SOBP: variants seen among roughly 807,000 people sequenced by gnomAD.
SOBP encodes the protein sine oculis-binding protein homolog.
Under a neutral mutation model 53.6 loss-of-function variants are expected in SOBP, and 4 were observed. That is an observed-to-expected ratio of 0.07 (90% confidence interval 0.04 to 0.17). The LOEUF (loss-of-function observed/expected upper bound fraction) is 0.17. Ranked by LOEUF, SOBP falls within the 10% of genes least tolerant of loss-of-function variation. SOBP has a pLI of 1.00. For missense variants in SOBP, 1,088 were observed against 1,204.7 expected (o/e 0.90, Z 1.43); for synonymous variants, 584 against 522.6 (o/e 1.12, Z -1.60).
At chr6:107,506,628 A>G (rs1487725657) in intron 3 of SOBP, among the ~76,000 whole-genome samples, 3 of 152,236 alleles carry the variant, frequency 2.0e-5, no homozygotes, top group East Asian at 1.9e-4. Flanking sequence ...TACTTAGGCT[A>G]TAAACTTTCA....
intron 3 of SOBP, among the ~76,000 whole-genome samples, chr6:107,517,728 G>T (rs555330115): frequency 6.6e-6 from 1 of 152,298 alleles, no homozygotes; most frequent in East Asian, 1.9e-4. Flanking sequence ...TAGATGGATT[G>T]TTGATCTAAA....
At chr6:107,657,706 G>A (rs943466178) in intron 6 of SOBP, among the ~76,000 whole-genome samples, 8 of 152,066 alleles carry the variant, frequency 5.3e-5, no homozygotes, top group Non-Finnish European at 1.0e-4. Flanking sequence ...GGCTGGATGC[G>A]GTGGTTCATG....
At chr6:107,497,603 T>C (rs1201544846) in intron 1 of SOBP, among the ~76,000 whole-genome samples, 1 of 152,124 alleles carries the variant, frequency 6.6e-6, no homozygotes. Flanking sequence ...ATATATGATA[T>C]ATAGTTTTTA....
chr6:107,641,266 C>T (rs72945685), intron 6 of SOBP, among the ~76,000 whole-genome samples: 14,926 of 152,236 alleles, frequency 0.098, 920 homozygotes, highest in Admixed American at 0.19. Context: ...TAGCACTTGC[C>T]TCAATAAGAT....
chr6:107,584,441 A>C (rs1296568822), intron 4 of SOBP, among the ~76,000 whole-genome samples: 1 of 152,166 alleles, frequency 6.6e-6, no homozygotes, highest in African/African-American at 2.4e-5. Context: ...TGTGCACACA[A>C]ATACACGTGA....
intron 4 of SOBP, among the ~76,000 whole-genome samples, chr6:107,567,462 T>C (rs977183036): frequency 1.3e-5 from 2 of 152,206 alleles, no homozygotes; most frequent in Non-Finnish European, 2.9e-5. Flanking sequence ...TTTCCATTAA[T>C]GTGTATATAC....
At chr6:107,581,849 A>G in intron 4 of SOBP, among the ~76,000 whole-genome samples, 1 of 152,172 alleles carries the variant, frequency 6.6e-6, no homozygotes, top group Non-Finnish European at 1.5e-5. Context: ...CTATACACTT[A>G]TTCTCACAAC....
chr6:107,561,176 T>C (rs1345561268), intron 4 of SOBP, among the ~76,000 whole-genome samples: 2 of 152,100 alleles, frequency 1.3e-5, no homozygotes, highest in Non-Finnish European at 1.5e-5. Flanking sequence ...GGTAGATGGA[T>C]GTTAAGGTGA....
rs868684915 is a variant in SOBP at position 107,568,731 on chromosome 6, G to C, written c.574-18349G>C. Among the ~76,000 whole-genome samples the C allele has an allele frequency of 2.6e-5, 4 of 152,136 alleles. No individual in the cohort carries two copies. In the East Asian group the frequency reaches 7.7e-4, roughly 29 times the overall value. ...CAGGTACTCTAACCCTGTATCTTATGAATAATCCTATATTGTAATTCTTAT... is the reference window on the plus strand; with the variant it reads ...CAGGTACTCTAACCCTGTATCTTATCAATAATCCTATATTGTAATTCTTAT... On this transcript the variant is annotated intron_variant, in intron 4 of 6. Transcript: ENST00000317357.
intron 4 of SOBP, among the ~76,000 whole-genome samples, chr6:107,561,943 T>G (rs908686096): frequency 2.6e-5 from 4 of 152,172 alleles, no homozygotes; most frequent in Non-Finnish European, 5.9e-5. Flanking sequence ...TTCTGTGGTG[T>G]TCAAAAGAGA....
chr6:107,607,694 T>C (rs1786436478), intron 5 of SOBP, among the ~76,000 whole-genome samples: 1 of 152,144 alleles, frequency 6.6e-6, no homozygotes, highest in African/African-American at 2.4e-5. Flanking sequence ...TGGCTTGAGG[T>C]TGGGTTTTCT....
At chr6:107,548,547 A>G (rs1370818662) in intron 4 of SOBP, among the ~76,000 whole-genome samples, 3 of 152,110 alleles carry the variant, frequency 2.0e-5, no homozygotes, top group Non-Finnish European at 2.9e-5. Context: ...CAGCCAACCT[A>G]TAATATAATT....
chr6:107,494,946 T>C (rs538725864), intron 1 of SOBP, among the ~76,000 whole-genome samples: 1 of 151,616 alleles, frequency 6.6e-6, no homozygotes, highest in Non-Finnish European at 1.5e-5. Context: ...GATAAATAGC[T>C]TGATTTTAAG....
intron 4 of SOBP, among the ~76,000 whole-genome samples, chr6:107,550,614 C>T (rs185048569): frequency 3.3e-5 from 5 of 152,170 alleles, no homozygotes; most frequent in South Asian, 2.1e-4. Context: ...AAGAAGAACC[C>T]GGGCACCACA....
intron 4 of SOBP, among the ~76,000 whole-genome samples, chr6:107,551,806 G>A (rs1297992685): frequency 6.6e-6 from 1 of 152,084 alleles, no homozygotes; most frequent in Non-Finnish European, 1.5e-5. Flanking sequence ...GGATCACTTG[G>A]GGTCAGGAGT....
Position 107,621,108 on chromosome 6 carries a change from A to G in SOBP, c.670-12406A>G, listed in dbSNP as rs865929467. The G allele has an allele frequency of 1.0e-4, 86 of 832,384 alleles. No homozygotes were observed. The African/African-American group carries it at 1.4e-3, about 14-fold the overall frequency. The allele number at this position is 832,384 out of a possible 1,614,324, so 51.6% of individuals were successfully genotyped here. On this transcript the variant is annotated intron_variant, in intron 5 of 6. Transcript: ENST00000317357. ...TCTGTTTACAGATTTCTGGTGAGTG[A>G]TATTATGATAGTACTATTGAGCCAC...
rs144736747 is a variant in SOBP at position 107,539,477 on chromosome 6, A to G, written c.573+5867A>G. On this transcript the variant is annotated intron_variant, in intron 4 of 6. Coordinates refer to ENST00000317357, the MANE Select transcript of SOBP (RefSeq NM_018013.4). The stretch of plus-strand genomic sequence containing the variant: ...TTTCAGACATAGTACATCTCTGGCC[A>G]TCCTTCTGGTGAAGGCTAATGCTGT... Among the ~76,000 whole-genome samples, 69 of 152,328 alleles carry G rather than the reference A, an allele frequency of 4.5e-4. 1 individual carries two copies. Among genetic ancestry groups the G allele is most frequent in the Middle Eastern group, 3.4e-3 (1 of 294 alleles).
chr6:107,612,211 A>T (rs1436713691), intron 5 of SOBP, among the ~76,000 whole-genome samples: 3 of 152,158 alleles, frequency 2.0e-5, no homozygotes, highest in African/African-American at 7.2e-5. Context: ...TGGCATTCCA[A>T]ATGGTCAACA....
At chr6:107,616,037 AAAAAAAAAAG>A (rs1786771431) in intron 5 of SOBP, among the ~76,000 whole-genome samples, 2 of 132,344 alleles carry the variant, frequency 1.5e-5, no homozygotes, top group Non-Finnish European at 3.2e-5. Context: ...CAAAAAAAAG[AAAAAAAAAAG>A]AAAAAAAAAG....
Sources: allele counts gnomAD v4.1 joint callset (sites outside exome capture counted in the v4.1 genomes callset), GRCh38; gene constraint gnomAD v4.1.1; transcripts MANE v1.5; gene names NCBI Gene and HGNC (gene_info 2026-07-23, HGNC 2026-07-21).